The following MESP1 variants were observed in gnomAD, a reference collection of about 807,000 sequenced individuals.
The protein encoded by MESP1 is mesoderm posterior bHLH transcription factor 1, also known as mesoderm posterior protein 1.
MESP1 carries 22 observed loss-of-function variants against 15.2 expected under a neutral mutation model. That is an observed-to-expected ratio of 1.45 (90% CI 1.04 to 2.07). The LOEUF (loss-of-function observed/expected upper bound fraction) is 2.07, where lower values mean the gene tolerates loss of function less well. MESP1 is among the 30% of genes most tolerant of loss of function. The probability of loss-of-function intolerance (pLI) is 0.00; values close to 1 mark genes in which losing one functional copy is unlikely to be tolerated. For synonymous variants in MESP1, 216 were observed against 192.6 expected (o/e 1.12, Z -1.01); for missense variants, 484 against 411.9 (o/e 1.17, Z -1.51).
chr15:89,750,914 G>A lies in MESP1; in HGVS notation c.318C>T (p.Arg106=), dbSNP rs1968081106. 2 of 1,486,986 alleles carry A rather than the reference G, an allele frequency of 1.3e-6. No individual in the cohort carries two copies. The highest frequency in any genetic ancestry group is 1.3e-5 in the South Asian group (1 of 78,360). The allele number at this position is 1,486,986 out of a possible 1,614,324, so 92.1% of individuals were successfully genotyped here. A position where few individuals can be genotyped will look rare whatever the true frequency, so the allele number is the denominator to read the frequency against. The change falls in exon 1 of 2, where the codon CGC becomes CGT. Residue 106 remains arginine (R), a synonymous_variant. Transcript: ENST00000300057. ...GCGCCACGGACGGCGGTAGAAAGCG[G>A]CGCAGCTCGTGCAGGGCGCGGGCCA... ...RTLARALHEL[R]RFLPPSVAPA...
At chr15:89,748,816 A>G (rs1968024307), downstream of MESP1, 1 of 152,182 alleles carries the variant, frequency 6.6e-6, no homozygotes, top group African/African-American at 2.4e-5. Context: ...AACGTTCTAA[A>G]ATTAGTGGCA....
the MESP1 span, chr15:89,737,960 C>T: frequency 2.1e-6 from 3 of 1,431,402 alleles, no homozygotes; most frequent in Non-Finnish European, 2.9e-6. Context: ...CAGAGAGCAG[C>T]CCCCACCTGC....
chr15:89,739,281 G>C, the MESP1 span, among the ~76,000 whole-genome samples: 1 of 152,174 alleles, frequency 6.6e-6, no homozygotes, highest in African/African-American at 2.4e-5. Context: ...TATGGCTACT[G>C]TATGCTATGG....
At chr15:89,735,363 C>T in the MESP1 span, 1 of 890,230 alleles carries the variant, frequency 1.1e-6, no homozygotes, top group Non-Finnish European at 1.8e-6. Context: ...TTTTTTGCTA[C>T]TATGAACAGC....
At chr15:89,742,421 C>T in the MESP1 span, among the ~76,000 whole-genome samples, 1 of 151,994 alleles carries the variant, frequency 6.6e-6, no homozygotes, top group African/African-American at 2.4e-5. Context: ...GACAGCCCCC[C>T]CTCCACCCTG....
downstream of MESP1, among the ~76,000 whole-genome samples, chr15:89,746,333 C>CTCCACACA (rs778391185): frequency 3.6e-4 from 50 of 139,986 alleles, no homozygotes; most frequent in African/African-American, 9.9e-4. Flanking sequence ...GCATCCACAC[C>CTCCACACA]TCCACACATC....
the MESP1 span, among the ~76,000 whole-genome samples, chr15:89,733,718 C>T: frequency 6.6e-6 from 1 of 152,108 alleles, no homozygotes; most frequent in African/African-American, 2.4e-5. Context: ...AGAGAGTCCC[C>T]ACCAGCAAGA....
chr15:89,750,589 CG>C lies in MESP1; in HGVS notation c.642del (p.Glu215SerfsTer64). 7.1e-7 allele frequency: 1 copy of C among 1,409,884 alleles called. No homozygotes were observed. The highest frequency in any genetic ancestry group is 9.2e-7 in the Non-Finnish European group (1 of 1,091,270). 87.3% of individuals were successfully genotyped at this position (1,409,884 alleles called of 1,614,324 possible). On this transcript the variant is annotated frameshift_variant, in exon 1 of 2. Transcript: ENST00000300057. LOFTEE classifies it high-confidence loss of function. Reference sequence around the variant, plus strand: ...AACAGCGCAGGCGGGTCGCGCGGCTCGGGTGCAGCTCGGGCTCCGGGGCAGG... The same window carrying C: ...AACAGCGCAGGCGGGTCGCGCGGCTCGGTGCAGCTCGGGCTCCGGGGCAGG... Reference protein sequence around the residue: ...PPACPGARAAPEPRDPPALFA... With the variant: ...PPACPGARAAXEPRDPPALFA...
At chr15:89,745,093 G>A (rs555297902), downstream of MESP1, among the ~76,000 whole-genome samples, 50 of 152,336 alleles carry the variant, frequency 3.3e-4, no homozygotes, top group Non-Finnish European at 8.8e-5. This position sits in a 1 kb window ranked among gnomAD's most constrained non-coding sequence, Gnocchi z 4.8. Flanking sequence ...GAGGGAGGAA[G>A]GCAGGAGGGA....
chr15:89,738,361 T>C, the MESP1 span: 1 of 1,178,400 alleles, frequency 8.5e-7, no homozygotes, highest in East Asian at 2.5e-5. Context: ...GCGTGGTGGC[T>C]CACGCCTGTA....
chr15:89,744,114 T>C, the MESP1 span, among the ~76,000 whole-genome samples: 3 of 152,226 alleles, frequency 2.0e-5, no homozygotes, highest in Admixed American at 6.5e-5. Context: ...CCTTGGAGGC[T>C]GAGGGGGCTC....
chr15:89,750,431 C>A (rs1012029624), intron 1 of MESP1, 78 bp downstream of exon 1: 8 of 1,462,530 alleles, frequency 5.5e-6, no homozygotes, highest in Middle Eastern at 2.3e-4. Context: ...CAGCAGGGTG[C>A]CTGGTCCTCA....
At chr15:89,733,155 G>T in the MESP1 span, 1 of 1,614,116 alleles carries the variant, frequency 6.2e-7, no homozygotes, top group African/African-American at 1.3e-5. Context: ...GTGCACAGAC[G>T]CCTCCCTCCA....
At position 89,749,983 on chromosome 15, in the gene MESP1, A is replaced by AGAAGG. The variant is rs1968049379; in HGVS notation, c.*156_*160dup. 4.0e-5 allele frequency: 28 copies of AGAAGG among 694,784 alleles called. No individual in the cohort carries two copies. In the South Asian group the frequency reaches 4.4e-4, roughly 11 times the overall value. The allele number at this position is 694,784 out of a possible 1,614,324, so 43.0% of individuals were successfully genotyped here. ...GGTCCCTCCATGGAGGGAGGGGCTG[A>AGAAGG]GAAGGGCCGCCGCGGTGGGGACGGC... On this transcript the variant is annotated 3_prime_UTR_variant, in exon 2 of 2. Coordinates refer to ENST00000300057, the MANE Select transcript of MESP1 (RefSeq NM_018670.4).
chr15:89,733,987 T>A, the MESP1 span, among the ~76,000 whole-genome samples: 2 of 151,160 alleles, frequency 1.3e-5, no homozygotes, highest in Admixed American at 1.3e-4. Flanking sequence ...CAAATGAACC[T>A]GTATAATGTG....
chr15:89,743,010 A>T, the MESP1 span, among the ~76,000 whole-genome samples: 1 of 152,200 alleles, frequency 6.6e-6, no homozygotes, highest in East Asian at 1.9e-4. Context: ...GTTGTGTGTA[A>T]TACCACAGCT....
the MESP1 span, chr15:89,733,181 C>G: frequency 5.6e-6 from 9 of 1,613,992 alleles, no homozygotes; most frequent in South Asian, 8.8e-5. Context: ...TGGAGGCTAG[C>G]GGGACCCAAG....
downstream of MESP1, among the ~76,000 whole-genome samples, chr15:89,747,692 C>G (rs75917327): frequency 0.016 from 2,487 of 152,312 alleles, 82 homozygotes; most frequent in African/African-American, 0.057. Flanking sequence ...GCACACAGGT[C>G]TGGAGTCACA....
chr15:89,737,545 C>A, the MESP1 span: 1 of 1,613,536 alleles, frequency 6.2e-7, no homozygotes, highest in South Asian at 1.1e-5. Context: ...CCAGTAGAAG[C>A]CCCCCTCACC....
Sources: allele counts gnomAD v4.1 joint callset (sites outside exome capture counted in the v4.1 genomes callset), GRCh38; gene constraint gnomAD v4.1.1; non-coding constraint Gnocchi (gnomAD v3.1); transcripts MANE v1.5; gene names NCBI Gene and HGNC (gene_info 2026-07-23, HGNC 2026-07-21).